ASTN2: variants seen among roughly 807,000 people sequenced by gnomAD.
ASTN2 encodes astrotactin-2.
ASTN2 carries 54 observed loss-of-function variants against 139.8 expected under a neutral mutation model. That is an observed-to-expected ratio of 0.39 (90% CI 0.31 to 0.48). ASTN2 has a LOEUF of 0.48. Ranked by LOEUF, ASTN2 falls within the 20% of genes least tolerant of loss-of-function variation. The pLI is 0.95. For missense variants in ASTN2, 1,565 were observed against 1,725.1 expected, an observed-to-expected ratio of 0.91 and a Z score of 1.64; for synonymous variants, 756 against 719.5, an observed-to-expected ratio of 1.05 and a Z score of -0.81.
intron 3 of ASTN2, among the ~76,000 whole-genome samples, chr9:117,183,932 C>T (rs1831135488): frequency 6.6e-6 from 1 of 152,188 alleles, no homozygotes; most frequent in Non-Finnish European, 1.5e-5. Context: ...AATGTGAGGA[C>T]ACAGTCCAGA....
intron 2 of ASTN2, among the ~76,000 whole-genome samples, chr9:117,265,810 T>TAA (rs11290572): frequency 6.8e-6 from 1 of 147,776 alleles, no homozygotes; most frequent in African/African-American, 2.5e-5. Flanking sequence ...AGCAAAATGG[T>TAA]AAAAAAAAAA....
At chr9:117,017,635 G>T (rs1837752978) in intron 6 of ASTN2, among the ~76,000 whole-genome samples, 1 of 152,154 alleles carries the variant, frequency 6.6e-6, no homozygotes, top group Non-Finnish European at 1.5e-5. Flanking sequence ...AATTAAATAA[G>T]ATTCATTTGG....
In ASTN2 at chr9:116,699,510, A is replaced by T. The variant is rs768741902; in HGVS notation, c.2806+26261T>A. 1.9e-6 allele frequency: 3 copies of T among 1,613,322 alleles called. No individual in the cohort carries two copies. On this transcript the variant is annotated intron_variant, in intron 16 of 22. Transcript: ENST00000313400. The surrounding 1 kb of genome is among the most constrained non-coding windows in gnomAD (Gnocchi z 4.2). ...GTGTGTGGATGCTCGTGGTGATCTC[A>T]TCGTGGCTGACAGTAGTCGCAAGGA...
At chr9:117,019,867 C>T (rs1456213899) in intron 6 of ASTN2, among the ~76,000 whole-genome samples, 1 of 152,076 alleles carries the variant, frequency 6.6e-6, no homozygotes, top group African/African-American at 2.4e-5. Flanking sequence ...GACAACAATA[C>T]CTAACATATA....
intron 1 of ASTN2, among the ~76,000 whole-genome samples, chr9:117,341,082 C>G: frequency 6.6e-6 from 1 of 152,196 alleles, no homozygotes; most frequent in Non-Finnish European, 1.5e-5. Context: ...ATTGAATTAT[C>G]TCTTACAACT....
At chr9:117,325,558 C>T (rs997824852) in intron 1 of ASTN2, among the ~76,000 whole-genome samples, 6 of 152,124 alleles carry the variant, frequency 3.9e-5, no homozygotes, top group African/African-American at 1.4e-4. Flanking sequence ...CCAGCAGACT[C>T]CTAAATGATG....
At chr9:117,396,131 T>A (rs778814411) in intron 1 of ASTN2, among the ~76,000 whole-genome samples, 1 of 152,130 alleles carries the variant, frequency 6.6e-6, no homozygotes, top group African/African-American at 2.4e-5. Flanking sequence ...CAGTCAGGAG[T>A]TCCTGGCTCA....
chr9:117,103,031 G>A (rs1309739502), intron 4 of ASTN2, among the ~76,000 whole-genome samples: 1 of 152,042 alleles, frequency 6.6e-6, no homozygotes, highest in African/African-American at 2.4e-5. Flanking sequence ...TCAGACCTCT[G>A]GAGTCCTAGC....
intron 16 of ASTN2, chr9:116,697,474 A>C: frequency 2.2e-6 from 1 of 457,110 alleles, no homozygotes; most frequent in Admixed American, 3.4e-5. Flanking sequence ...ATTTCCCACT[A>C]TGCAGTGTTT....
intron 5 of ASTN2, among the ~76,000 whole-genome samples, chr9:117,062,139 G>A (rs1034150763): frequency 6.6e-6 from 1 of 152,044 alleles, no homozygotes; most frequent in Admixed American, 6.6e-5. Flanking sequence ...TTATTTGAGG[G>A]GCCAACTCCA....
intron 10 of ASTN2, among the ~76,000 whole-genome samples, chr9:116,901,758 A>G (rs893302328): frequency 3.3e-5 from 5 of 152,230 alleles, no homozygotes; most frequent in Admixed American, 6.5e-5. Flanking sequence ...GTTATAGGCC[A>G]GGCACGGTGG....
At chr9:116,543,207 T>C (rs904746140) in intron 19 of ASTN2, among the ~76,000 whole-genome samples, 1 of 151,786 alleles carries the variant, frequency 6.6e-6, no homozygotes, top group African/African-American at 2.4e-5. Context: ...GGCAGTCTGA[T>C]TGCTTGAGCT....
intron 2 of ASTN2, among the ~76,000 whole-genome samples, chr9:117,246,003 C>A: frequency 6.6e-6 from 1 of 152,162 alleles, no homozygotes; most frequent in East Asian, 1.9e-4. Flanking sequence ...ATGACAAAGA[C>A]CACGTCTACT....
At chr9:116,935,678 G>A (rs758787182) in intron 10 of ASTN2, among the ~76,000 whole-genome samples, 47 of 152,162 alleles carry the variant, frequency 3.1e-4, no homozygotes, top group Non-Finnish European at 5.1e-4. Flanking sequence ...CTGTGTAATA[G>A]AGGCAACTTA....
intron 7 of ASTN2, among the ~76,000 whole-genome samples, chr9:117,002,188 T>C (rs1837210995): frequency 6.6e-6 from 1 of 152,220 alleles, no homozygotes; most frequent in Non-Finnish European, 1.5e-5. Context: ...CCTAAGGAGT[T>C]GACTTTCTAG....
intron 7 of ASTN2, among the ~76,000 whole-genome samples, chr9:117,006,125 T>C (rs1450273993): frequency 6.6e-6 from 1 of 152,162 alleles, no homozygotes; most frequent in African/African-American, 2.4e-5. Flanking sequence ...AAGTATCCCA[T>C]GAAGGGCACA....
Position 117,039,930 on chromosome 9 carries a change from T to A in ASTN2, c.1312A>T (p.Thr438Ser). 6.2e-7 allele frequency: 1 copy of A among 1,613,694 alleles called. No homozygotes were observed. Among genetic ancestry groups the A allele is most frequent in the African/African-American group, 1.3e-5 (1 of 75,024 alleles). Residue 438 changes from threonine (T) to serine (S), a missense_variant, in exon 6 of 23, where the codon ACA becomes TCA. Physicochemically the swap from Thr to Ser is moderately conservative, Grantham distance 58 (BLOSUM62 1). Transcript: ENST00000313400. ...LKSPVNKTALTLIAVSSCILA... is the reference protein window; with the variant it reads ...LKSPVNKTALSLIAVSSCILA... ...ATGCAGGAACTCACAGCAATCAGTG[T>A]CAGGGCTGTCTTGTTCACTGGGCTT... is the stretch of plus-strand genomic sequence containing the variant.
intron 13 of ASTN2, among the ~76,000 whole-genome samples, chr9:116,795,384 T>C (rs769975537): frequency 6.6e-6 from 1 of 152,246 alleles, no homozygotes; most frequent in Non-Finnish European, 1.5e-5. Context: ...ATAGTAAATA[T>C]GAACACTTAA....
chr9:117,151,572 C>A (rs1270396829), intron 3 of ASTN2, among the ~76,000 whole-genome samples: 1 of 152,140 alleles, frequency 6.6e-6, no homozygotes, highest in Non-Finnish European at 1.5e-5. Context: ...CATCATAATA[C>A]TGAGAACCTG....
Sources: allele counts gnomAD v4.1 joint callset (sites outside exome capture counted in the v4.1 genomes callset), GRCh38; gene constraint gnomAD v4.1.1; non-coding constraint Gnocchi (gnomAD v3.1); transcripts MANE v1.5; gene names NCBI Gene and HGNC (gene_info 2026-07-23, HGNC 2026-07-21).